The following TACR2 variants were observed in gnomAD, a reference collection of about 807,000 sequenced individuals.
TACR2 encodes the protein tachykinin receptor 2.
TACR2 carries 24 observed loss-of-function variants against 28.9 expected under a neutral mutation model. That is an observed-to-expected ratio of 0.83 (90% CI 0.60 to 1.17). The LOEUF (loss-of-function observed/expected upper bound fraction) is 1.17, where lower values mean the gene tolerates loss of function less well. TACR2 is among the 50% of genes most tolerant of loss of function. The pLI is 0.00. For missense variants in TACR2, 487 were observed against 524.4 expected (o/e 0.93, Z 0.70); for synonymous variants, 222 against 212.6 (o/e 1.04, Z -0.38).
At chr10:69,410,177 C>T (rs1224401897) in intron 2 of TACR2, among the ~76,000 whole-genome samples, 2 of 151,726 alleles carry the variant, frequency 1.3e-5, no homozygotes, top group African/African-American at 2.4e-5. Flanking sequence ...CCTACCCCGT[C>T]CCCAGGGAGG....
intron 1 of TACR2, 56 bp downstream of exon 1, chr10:69,415,876 T>G: frequency 1.3e-6 from 2 of 1,579,190 alleles, no homozygotes; most frequent in Non-Finnish European, 1.7e-6. Context: ...ACCACCCTTA[T>G]CTGAGCCCCG....
chr10:69,406,910 G>T (rs1479168710), intron 4 of TACR2, among the ~76,000 whole-genome samples, 174 bp downstream of exon 4: 2 of 152,188 alleles, frequency 1.3e-5, no homozygotes, highest in East Asian at 3.9e-4. Context: ...CAGGCCAGAG[G>T]GATTATTGTG....
rs1379789314 is a variant in TACR2, at chr10:69,405,176, C to A, written c.939-92G>T. ...CACCCCCAGGAAACTGACTCCCTTC[C>A]AGAGGAAAGTCACTGTCTCTCTCCA... On this transcript the variant is annotated intron_variant, in intron 4 of 4. Coordinates refer to ENST00000373306, the MANE Select transcript of TACR2 (RefSeq NM_001057.3). 34 of 1,062,854 alleles carry A rather than the reference C, an allele frequency of 3.2e-5. 1 individual carries two copies. The East Asian group carries it at 8.6e-4, about 27-fold the overall frequency. 65.8% of individuals were successfully genotyped at this position (1,062,854 alleles called of 1,614,324 possible). A position where few individuals can be genotyped will look rare whatever the true frequency, so the allele number is the denominator to read the frequency against.
intron 2 of TACR2, among the ~76,000 whole-genome samples, chr10:69,411,978 C>G (rs1840572789): frequency 6.6e-6 from 1 of 152,108 alleles, no homozygotes; most frequent in South Asian, 2.1e-4. Flanking sequence ...ATTACAGGTG[C>G]CTGCCACCAC....
At chr10:69,412,144 G>A (rs1380264006) in intron 2 of TACR2, among the ~76,000 whole-genome samples, 15 of 152,146 alleles carry the variant, frequency 9.9e-5, no homozygotes, top group Non-Finnish European at 2.2e-4. Flanking sequence ...ATAAAACTCT[G>A]GTCTCCTGCA....
chr10:69,405,705 A>G (rs1840495912), intron 4 of TACR2, among the ~76,000 whole-genome samples: 2 of 152,186 alleles, frequency 1.3e-5, no homozygotes, highest in South Asian at 4.1e-4. Flanking sequence ...TCCAGAAGTG[A>G]TGTCAGGATC....
Position 69,407,084 on chromosome 10 carries a change from C to G in TACR2, c.938G>C (p.Arg313Thr), listed in dbSNP as rs370069239. Residue 313 changes from arginine to threonine, a missense_variant and splice_region_variant, in exon 4 of 5, where the codon AGG becomes ACG. Arg to Thr is a moderately conservative substitution (Grantham distance 71). Coordinates refer to ENST00000373306, the MANE Select transcript of TACR2 (RefSeq NM_001057.3). ...NPIIYCCLNH[R>T]FRSGFRLAFR... ...GGGTGGGGCTGGAGTGGGGGCTCAC[C>G]TGTGGTTGAGACAGCAGTAGATGAT... The G allele has an allele frequency of 6.2e-7, 1 of 1,613,506 alleles. No individual in the cohort carries two copies. The highest frequency in any genetic ancestry group is 8.5e-7 in the Non-Finnish European group (1 of 1,179,748).
chr10:69,404,848 G>A lies in TACR2; in HGVS notation c.1175C>T (p.Thr392Ile). ...LWFGYGLLAP[T>I]KTHVEI ...GGATCAAATTTCAACATGAGTTTTGGTGGGGGCAAGCAAACCATACCCAAA... is the reference window on the plus strand; with the variant it reads ...GGATCAAATTTCAACATGAGTTTTGATGGGGGCAAGCAAACCATACCCAAA... The change falls in exon 5 of 5, where the codon ACC becomes ATC. Residue 392 changes from threonine (T) to isoleucine (I), a missense_variant. Thr to Ile is a moderately conservative substitution (Grantham distance 89, BLOSUM62 -1). Transcript: ENST00000373306. The A allele has an allele frequency of 6.4e-6, 10 of 1,560,914 alleles. No individual in the cohort carries two copies. Among genetic ancestry groups the A allele is most frequent in the Non-Finnish European group, 8.7e-6 (10 of 1,148,348 alleles).
At chr10:69,409,879 A>G (rs7907264) in intron 2 of TACR2, among the ~76,000 whole-genome samples, 225 of 17,274 alleles carry the variant, frequency 0.013, 4 homozygotes, top group African/African-American at 0.073. Flanking sequence ...ATATATATAT[A>G]TACATATATA....
rs764775979 is a variant in TACR2, at chr10:69,415,142, G to T, written c.393-3C>A. ...AGGGGTGGACGATGGCCATGTACCT[G>T]TGAGCAGAGGGCAGCTTGAGCGGCA... On this transcript the variant is annotated splice_polypyrimidine_tract_variant and splice_region_variant and intron_variant, in intron 1 of 4. Transcript: ENST00000373306. The T allele has an allele frequency of 1.9e-6, 3 of 1,608,124 alleles. No homozygotes were observed. The highest frequency in any genetic ancestry group is 8.5e-7 in the Non-Finnish European group (1 of 1,177,040).
In TACR2 at chr10:69,409,923, A is replaced by ATATG. The variant is rs1554827811; in HGVS notation, c.588-849_588-848insCATA. Among the ~76,000 whole-genome samples, 17 of 76,456 alleles carry ATATG rather than the reference A, an allele frequency of 2.2e-4. 1 individual carries two copies. Among genetic ancestry groups the ATATG allele is most frequent in the East Asian group, 2.0e-3 (6 of 3,040 alleles). 50.2% of individuals were successfully genotyped at this position (76,456 alleles called of 152,430 possible). A position where few individuals can be genotyped will look rare whatever the true frequency, so the allele number is the denominator to read the frequency against. ...TATATACATATATATATATATATAT[A>ATATG]TATATATATATATATATATAATCTG... On this transcript the variant is annotated intron_variant, in intron 2 of 4. Coordinates refer to ENST00000373306, the MANE Select transcript of TACR2 (RefSeq NM_001057.3).
At chr10:69,409,862 T>TG (rs1840545923) in intron 2 of TACR2, among the ~76,000 whole-genome samples, 2 of 62,542 alleles carry the variant, frequency 3.2e-5, no homozygotes, top group African/African-American at 1.7e-4. Flanking sequence ...TGTATATGTA[T>TG]ATGTATATAT....
At position 69,405,085 on chromosome 10, in the gene TACR2, C is replaced by G; in HGVS notation, c.939-1G>C. 6.2e-7 allele frequency: 1 copy of G among 1,613,052 alleles called. No homozygotes were observed. Among genetic ancestry groups the G allele is most frequent in the Non-Finnish European group, 8.5e-7 (1 of 1,179,228 alleles). ...GGCAAGCCGGAATCCAGAGCGAAAC[C>G]TGGGGGAGCGAGGGGCACCTTGAGC... On this transcript the variant is annotated splice_acceptor_variant, in intron 4 of 4. Coordinates refer to ENST00000373306, the MANE Select transcript of TACR2 (RefSeq NM_001057.3). LOFTEE classifies it high-confidence loss of function.
chr10:69,409,909 A>ATATATG (rs1840551678), intron 2 of TACR2, among the ~76,000 whole-genome samples: 1 of 21,612 alleles, frequency 4.6e-5, no homozygotes, highest in South Asian at 2.8e-3. Flanking sequence ...ATATACATAT[A>ATATATG]TATATATATA....
Position 69,407,174 on chromosome 10 carries a change from T to C in TACR2, c.848A>G (p.Lys283Arg), listed in dbSNP as rs1840509216. 1 of 1,613,968 alleles carries C rather than the reference T, an allele frequency of 6.2e-7. No homozygotes were observed. The highest frequency in any genetic ancestry group is 8.5e-7 in the Non-Finnish European group (1 of 1,179,956). Reference sequence around the variant, plus strand: ...TGCCAGGTAGACTTGCTGGATGAACTTGTGGCAGTAGATGTCCTCCTGGAA... The same window carrying C: ...TGCCAGGTAGACTTGCTGGATGAACCTGTGGCAGTAGATGTCCTCCTGGAA... ...GSFQEDIYCH[K>R]FIQQVYLALF... is the part of the protein sequence containing the mutation. The change falls in exon 4 of 5, where the codon AAG becomes AGG. Residue 283 changes from lysine to arginine, a missense_variant. Physicochemically the swap from Lys to Arg is conservative, Grantham distance 26. Coordinates refer to ENST00000373306, the MANE Select transcript of TACR2 (RefSeq NM_001057.3).
chr10:69,411,890 G>A (rs926987017), intron 2 of TACR2, among the ~76,000 whole-genome samples: 5 of 152,150 alleles, frequency 3.3e-5, no homozygotes, highest in African/African-American at 1.2e-4. Flanking sequence ...GGAGTGCAAT[G>A]GTGGGGTCTT....
In TACR2 at chr10:69,415,051, C is replaced by A. The variant is rs148031991; in HGVS notation, c.481G>T (p.Ala161Ser). ...TAGAAGCACTGAGGGGAGGCCAGGG[C>A]GAGAGCCACCAGCCAGATGCCAGCA... is the stretch of plus-strand genomic sequence containing the variant. ...VIAGIWLVAL[A>S]LASPQCFYST... is the part of the protein sequence containing the mutation. The change falls in exon 2 of 5, where the codon GCC becomes TCC. Residue 161 changes from alanine to serine, a missense_variant. Ala to Ser is a moderately conservative substitution (Grantham distance 99). Transcript: ENST00000373306. The A allele has an allele frequency of 8.7e-6, 14 of 1,613,776 alleles. No homozygotes were observed. The highest frequency in any genetic ancestry group is 1.2e-5 in the Non-Finnish European group (14 of 1,180,008).
intron 4 of TACR2, 133 bp downstream of exon 4, chr10:69,406,951 A>G: frequency 1.1e-6 from 1 of 900,730 alleles, no homozygotes; most frequent in Non-Finnish European, 1.7e-6. Flanking sequence ...CGGCTTTCTC[A>G]TGTAGGCTGG....
At chr10:69,414,274 G>A (rs545335277) in intron 2 of TACR2, among the ~76,000 whole-genome samples, 31 of 152,306 alleles carry the variant, frequency 2.0e-4, no homozygotes, top group Non-Finnish European at 4.1e-4. Context: ...TCATGGACTC[G>A]TTCTGCCTCA....
Sources: allele counts gnomAD v4.1 joint callset (sites outside exome capture counted in the v4.1 genomes callset), GRCh38; gene constraint gnomAD v4.1.1; transcripts MANE v1.5; gene names NCBI Gene and HGNC (gene_info 2026-07-23, HGNC 2026-07-21).